The following MPRIP variants were observed in gnomAD, a reference collection of about 807,000 sequenced individuals.
The protein encoded by MPRIP is myosin phosphatase Rho interacting protein, also known as myosin phosphatase Rho-interacting protein.
MPRIP carries 59 observed loss-of-function variants against 234.9 expected under a neutral mutation model. The ratio of observed to expected loss-of-function variants is 0.25; its 90% confidence interval spans 0.20 to 0.31. The LOEUF (loss-of-function observed/expected upper bound fraction) is 0.31. MPRIP is among the 10% of genes least tolerant of loss of function. The probability of loss-of-function intolerance (pLI) is 1.00; values close to 1 mark genes in which losing one functional copy is unlikely to be tolerated. For synonymous variants in MPRIP, 1,144 were observed against 1,263.9 expected (o/e 0.91, Z 2.01); for missense variants, 2,436 against 3,071.0 (o/e 0.79, Z 4.89).
chr17:17,064,206 G>GT (rs796815329), intron 1 of MPRIP, among the ~76,000 whole-genome samples: 7,230 of 140,390 alleles, frequency 0.051, 255 homozygotes, highest in East Asian at 0.13. Context: ...TTTTTGTTTT[G>GT]TTTTTTTTTT....
intron 3 of MPRIP, among the ~76,000 whole-genome samples, chr17:17,081,032 C>A (rs6502560): frequency 0.045 from 6,798 of 152,270 alleles, 474 homozygotes; most frequent in African/African-American, 0.14. Flanking sequence ...AAAGCAATCC[C>A]TACCTGGGCA....
intron 12 of MPRIP, among the ~76,000 whole-genome samples, chr17:17,153,955 C>T (rs980876528): frequency 1.3e-5 from 2 of 152,212 alleles, no homozygotes; most frequent in African/African-American, 4.8e-5. Context: ...TGATTCTGCC[C>T]TTCCCCCGAG....
At chr17:17,140,268 C>T (rs927893919) in intron 7 of MPRIP, among the ~76,000 whole-genome samples, 7 of 152,074 alleles carry the variant, frequency 4.6e-5, no homozygotes, top group African/African-American at 1.4e-4. Flanking sequence ...GGCTTCTTCT[C>T]GGAGAGACTC....
At chr17:17,146,126 A>G (rs766301024) in intron 10 of MPRIP, 34 bp downstream of exon 10, 4 of 1,598,288 alleles carry the variant, frequency 2.5e-6, no homozygotes, top group Admixed American at 3.3e-5. Context: ...CCCCTGAGGG[A>G]TCTGGGGACA....
chr17:17,147,638 C>T (rs974211203), intron 11 of MPRIP, among the ~76,000 whole-genome samples: 11 of 152,204 alleles, frequency 7.2e-5, no homozygotes, highest in Non-Finnish European at 1.5e-4. Context: ...TGCTGGGCTT[C>T]GTCAAGGCCT....
intron 11 of MPRIP, among the ~76,000 whole-genome samples, chr17:17,148,050 G>A (rs563304512): frequency 2.0e-5 from 3 of 152,146 alleles, no homozygotes; most frequent in Non-Finnish European, 2.9e-5. Flanking sequence ...ATTCCCACAC[G>A]TTTGTAACAG....
chr17:17,108,580 T>C (rs954555267), intron 3 of MPRIP, among the ~76,000 whole-genome samples: 1 of 152,240 alleles, frequency 6.6e-6, no homozygotes, highest in Non-Finnish European at 1.5e-5. Context: ...TTTGGAACCA[T>C]TGCTTTAAGC....
At chr17:17,172,632 C>T (rs922799353) in intron 17 of MPRIP, 66 bp from the exon 18 acceptor site, 43 of 1,308,752 alleles carry the variant, frequency 3.3e-5, no homozygotes, top group South Asian at 2.9e-4. Context: ...TGGAGCTCCC[C>T]ACCCCCACCC....
chr17:17,065,341 GTT>G (rs756127070), intron 1 of MPRIP, among the ~76,000 whole-genome samples: 16 of 138,908 alleles, frequency 1.2e-4, no homozygotes, highest in African/African-American at 4.3e-4. Flanking sequence ...ATTTTGTCTT[GTT>G]TTTTGTATAA....
At chr17:17,180,119 G>A in intron 23 of MPRIP, 31 bp downstream of exon 23, 1 of 1,511,464 alleles carries the variant, frequency 6.6e-7, no homozygotes, top group South Asian at 1.2e-5. Context: ...CCTGGTGGGA[G>A]GGGCTTGAGG....
chr17:17,147,453 A>C, intron 11 of MPRIP, 66 bp downstream of exon 11: 2 of 1,443,370 alleles, frequency 1.4e-6, no homozygotes, highest in South Asian at 2.3e-5. Flanking sequence ...ATCTGGGGCT[A>C]GTAGATCTGC....
At chr17:17,060,769 C>T (rs7221151) in intron 1 of MPRIP, among the ~76,000 whole-genome samples, 6,822 of 152,240 alleles carry the variant, frequency 0.045, 476 homozygotes, top group African/African-American at 0.14. Flanking sequence ...GAAACACTTG[C>T]GGGGGCTGTA....
chr17:17,148,105 G>A (rs1239536229), intron 11 of MPRIP, among the ~76,000 whole-genome samples: 1 of 152,192 alleles, frequency 6.6e-6, no homozygotes, highest in Non-Finnish European at 1.5e-5. Flanking sequence ...TAAGGGCCGG[G>A]ATATGTATTA....
At chr17:17,134,029 GTTC>G (rs1322294284) in intron 5 of MPRIP, among the ~76,000 whole-genome samples, 1 of 152,152 alleles carries the variant, frequency 6.6e-6, no homozygotes, top group Non-Finnish European at 1.5e-5. Flanking sequence ...AGCCCCCCAG[GTTC>G]TTCTGCTTTT....
chr17:17,162,475 G>A (rs2045894774), intron 15 of MPRIP, among the ~76,000 whole-genome samples: 1 of 152,062 alleles, frequency 6.6e-6, no homozygotes, highest in Non-Finnish European at 1.5e-5. Flanking sequence ...GTGCTCCCTG[G>A]GCCTTCTCTT....
At chr17:17,181,678 CT>C (rs2046376796) in intron 23 of MPRIP, 1 of 152,206 alleles carries the variant, frequency 6.6e-6, no homozygotes, top group African/African-American at 2.4e-5. Context: ...TATCTTTGAG[CT>C]TTTCTTGAAG....
chr17:17,177,160 A>G (rs1597517655), intron 21 of MPRIP, 90 bp from the exon 22 acceptor site: 1 of 1,295,622 alleles, frequency 7.7e-7, no homozygotes, highest in South Asian at 1.3e-5. Flanking sequence ...AAGCCTCCCT[A>G]CCGTGTTCAG....
intron 12 of MPRIP, among the ~76,000 whole-genome samples, chr17:17,151,041 T>C (rs866212389): frequency 1.1e-4 from 16 of 149,984 alleles, no homozygotes; most frequent in South Asian, 4.2e-4. Context: ...TTATTATTAT[T>C]ATCATTATTT....
chr17:17,143,835 A>T (rs1228003618), intron 9 of MPRIP, among the ~76,000 whole-genome samples, 166 bp downstream of exon 9: 2 of 152,046 alleles, frequency 1.3e-5, no homozygotes, highest in East Asian at 3.9e-4. Flanking sequence ...TCGAACACAG[A>T]TTCTGTTTCT....
Sources: gnomAD v4.1 joint callset for allele counts (sites outside exome capture counted in the v4.1 genomes callset) on GRCh38, gnomAD v4.1.1 for gene constraint, MANE v1.5 for transcripts, NCBI Gene and HGNC (gene_info 2026-07-23, HGNC 2026-07-21) for gene names.